The following MICAL3 variants were observed in gnomAD, a reference collection of about 807,000 sequenced individuals.
MICAL3 encodes the protein microtubule associated monooxygenase, calponin and LIM domain containing 3.
MICAL3 carries 62 observed loss-of-function variants against 207.4 expected under a neutral mutation model. The ratio of observed to expected loss-of-function variants is 0.30; its 90% CI spans 0.24 to 0.37. The LOEUF is 0.37. Among genes scored for constraint, MICAL3 ranks in the 10% least tolerant of loss-of-function variants. The probability of loss-of-function intolerance (pLI) is 1.00; values close to 1 mark genes in which losing one functional copy is unlikely to be tolerated. For missense variants in MICAL3, 2,368 were observed against 2,635.6 expected (o/e 0.90, Z 2.22); for synonymous variants, 1,077 against 1,069.3 (o/e 1.01, Z -0.14).
intron 1 of MICAL3, among the ~76,000 whole-genome samples, chr22:17,992,895 G>C (rs1444738501): frequency 6.6e-6 from 1 of 152,194 alleles, no homozygotes; most frequent in Non-Finnish European, 1.5e-5. Context: ...TGGGGTGAAA[G>C]GACTCTACCT....
In MICAL3 at chr22:17,841,388, G is replaced by A; in HGVS notation, c.2801+434C>T. ...GCGGCCCCTGGGGCACACATTTTCAGTCCCTTTCTTTACCTACAGGAGAAA... is the reference window on the plus strand; with the variant it reads ...GCGGCCCCTGGGGCACACATTTTCAATCCCTTTCTTTACCTACAGGAGAAA... On this transcript the variant is annotated intron_variant, in intron 20 of 31. Coordinates refer to ENST00000441493, the MANE Select transcript of MICAL3 (RefSeq NM_015241.3). This position sits in a 1 kb window ranked among gnomAD's most constrained non-coding sequence, Gnocchi z 4.2. 3.5e-6 allele frequency: 1 copy of A among 283,330 alleles called. No individual in the cohort carries two copies. Among genetic ancestry groups the A allele is most frequent in the Non-Finnish European group, 6.7e-6 (1 of 149,158 alleles). 17.6% of individuals were successfully genotyped at this position (283,330 alleles called of 1,614,324 possible). A position where few individuals can be genotyped will look rare whatever the true frequency, so the allele number is the denominator to read the frequency against.
At chr22:17,970,296 G>C (rs942337778) in intron 1 of MICAL3, among the ~76,000 whole-genome samples, 4 of 152,242 alleles carry the variant, frequency 2.6e-5, no homozygotes, top group African/African-American at 9.6e-5. Flanking sequence ...GTCTGTCCTT[G>C]AGTGAGCGGC....
Position 17,819,074 on chromosome 22 carries a change from C to A in MICAL3, c.3587G>T (p.Arg1196Leu). ...AATQEKSPEERLFPEPLLPKE... is the reference protein window; with the variant it reads ...AATQEKSPEELLFPEPLLPKE... ...GGGGAGCAAAGGCTCAGGGAAAAGGCGCTCCTCAGGTGATTTCTCCTGGGT... is the reference window on the plus strand; with the variant it reads ...GGGGAGCAAAGGCTCAGGGAAAAGGAGCTCCTCAGGTGATTTCTCCTGGGT... Residue 1196 changes from arginine to leucine, a missense_variant, in exon 26 of 32, where the codon CGC becomes CTC. Physicochemically the swap from Arg to Leu is moderately radical, Grantham distance 102. Coordinates refer to ENST00000441493, the MANE Select transcript of MICAL3 (RefSeq NM_015241.3). The A allele has an allele frequency of 6.4e-7, 1 of 1,551,344 alleles. No individual in the cohort carries two copies. The highest frequency in any genetic ancestry group is 1.9e-5 in the Admixed American group (1 of 52,114).
chr22:17,894,504 A>C (rs926206019), intron 10 of MICAL3, among the ~76,000 whole-genome samples: 1 of 152,076 alleles, frequency 6.6e-6, no homozygotes, highest in African/African-American at 2.4e-5. Context: ...CTCTTAACAG[A>C]AGGCCTAAAG....
At chr22:18,022,421 CA>C (rs1012855054) in intron 1 of MICAL3, among the ~76,000 whole-genome samples, 5 of 101,188 alleles carry the variant, frequency 4.9e-5, no homozygotes, top group Non-Finnish European at 1.1e-4. Flanking sequence ...TTCCGACCTG[CA>C]CCCCCACCCT....
At chr22:17,976,775 G>A (rs1252333972) in intron 1 of MICAL3, among the ~76,000 whole-genome samples, 1 of 149,306 alleles carries the variant, frequency 6.7e-6, no homozygotes, top group Admixed American at 6.7e-5. Context: ...AAGGTTATGG[G>A]ACTGTTACAG....
Position 17,827,627 on chromosome 22 carries a change from G to A in MICAL3, c.3193+17C>T, listed in dbSNP as rs1342820386. 7 of 1,549,712 alleles carry A rather than the reference G, an allele frequency of 4.5e-6. No individual in the cohort carries two copies. The African/African-American group carries it at 8.2e-5, about 18-fold the overall frequency. On this transcript the variant is annotated intron_variant, in intron 22 of 31. Coordinates refer to ENST00000441493, the MANE Select transcript of MICAL3 (RefSeq NM_015241.3). ...GGTGCTCGGGGCACACTGCGGCCTG[G>A]GGCTGGGAGTGTTTACCTCCGGAAG...
chr22:17,810,640 G>T, intron 28 of MICAL3, 63 bp downstream of exon 28: 1 of 1,319,046 alleles, frequency 7.6e-7, no homozygotes, highest in Non-Finnish European at 1.1e-6. Flanking sequence ...CAGCTGGGTG[G>T]ATAGGGAGAT....
intron 1 of MICAL3, among the ~76,000 whole-genome samples, chr22:17,980,692 G>C (rs1043337828): frequency 6.6e-6 from 1 of 152,210 alleles, no homozygotes; most frequent in Non-Finnish European, 1.5e-5. Flanking sequence ...AACCTACAAC[G>C]AGCAGCTGTG....
intron 16 of MICAL3, among the ~76,000 whole-genome samples, chr22:17,873,182 G>A (rs1262372381): frequency 6.6e-6 from 1 of 152,258 alleles, no homozygotes; most frequent in Non-Finnish European, 1.5e-5. Flanking sequence ...AACGCGCACA[G>A]AGACAGGCAG....
At chr22:17,863,376 G>A in intron 19 of MICAL3, 1 of 985,298 alleles carries the variant, frequency 1.0e-6, no homozygotes, top group Non-Finnish European at 1.2e-6. Context: ...CTCTCCAACT[G>A]AATGTACATT....
chr22:17,870,211 C>T (rs1927568930), intron 17 of MICAL3, among the ~76,000 whole-genome samples: 1 of 152,172 alleles, frequency 6.6e-6, no homozygotes. Flanking sequence ...CGGCCTCTCA[C>T]TGCCACCCGA....
intron 1 of MICAL3, among the ~76,000 whole-genome samples, chr22:17,984,840 G>A (rs1936081980): frequency 1.3e-5 from 2 of 152,168 alleles, no homozygotes; most frequent in Admixed American, 1.3e-4. Context: ...AAGGCAAAGG[G>A]GTTAAATAAT....
At chr22:17,988,987 T>C (rs1413459448) in intron 1 of MICAL3, among the ~76,000 whole-genome samples, 2 of 152,082 alleles carry the variant, frequency 1.3e-5, no homozygotes, top group African/African-American at 4.8e-5. Context: ...CCTTCCGGCC[T>C]TTTACAGAAA....
At chr22:17,886,264 CCA>C (rs1487696310) in intron 15 of MICAL3, among the ~76,000 whole-genome samples, 1 of 152,232 alleles carries the variant, frequency 6.6e-6, no homozygotes, top group East Asian at 1.9e-4. Context: ...TTCCAGGAAG[CCA>C]CTGCCCTCGA....
intron 1 of MICAL3, among the ~76,000 whole-genome samples, chr22:17,976,587 ATATT>A (rs1335906031): frequency 3.7e-5 from 3 of 80,292 alleles, no homozygotes; most frequent in African/African-American, 1.7e-4. Context: ...ATATATATAT[ATATT>A]TTTTTTTTTT....
chr22:17,997,484 A>C (rs1922420597), intron 1 of MICAL3, among the ~76,000 whole-genome samples: 1 of 152,176 alleles, frequency 6.6e-6, no homozygotes, highest in Non-Finnish European at 1.5e-5. Context: ...AAAGGAAAAG[A>C]CCAGAATGTG....
intron 1 of MICAL3, among the ~76,000 whole-genome samples, chr22:17,923,598 C>G (rs1285370669): frequency 6.6e-6 from 1 of 152,232 alleles, no homozygotes; most frequent in Admixed American, 6.5e-5. Flanking sequence ...AGGTCCTGAG[C>G]TGGGCTTTGC....
At chr22:17,879,396 T>C (rs1332996105) in intron 16 of MICAL3, 5 of 1,611,984 alleles carry the variant, frequency 3.1e-6, no homozygotes, top group Non-Finnish European at 4.2e-6. Context: ...TCAAGATCCC[T>C]GTATGTCTGT....
Sources: allele counts gnomAD v4.1 joint callset (sites outside exome capture counted in the v4.1 genomes callset), GRCh38; gene constraint gnomAD v4.1.1; non-coding constraint Gnocchi (gnomAD v3.1); transcripts MANE v1.5; gene names NCBI Gene and HGNC (gene_info 2026-07-23, HGNC 2026-07-21).